DCC: variants seen among roughly 807,000 people sequenced by gnomAD.
DCC encodes netrin receptor DCC.
Under a neutral mutation model 172.5 loss-of-function variants are expected in DCC, and 58 were observed. The ratio of observed to expected loss-of-function variants is 0.34; its 90% CI spans 0.27 to 0.42. DCC has a LOEUF of 0.42. Among genes scored for constraint, DCC ranks in the 10% least tolerant of loss-of-function variants. The pLI is 1.00. For missense variants in DCC, 1,740 were observed against 1,791.0 expected (o/e 0.97, Z 0.51); for synonymous variants, 709 against 644.5 (o/e 1.10, Z -1.52).
chr18:53,281,715 G>A (rs2056874770), intron 12 of DCC, among the ~76,000 whole-genome samples: 1 of 151,778 alleles, frequency 6.6e-6, no homozygotes, highest in Non-Finnish European at 1.5e-5. Flanking sequence ...ATTGGCCTAG[G>A]TGGAAGTATT....
rs73467203 is a variant in DCC, at chr18:53,334,950, C to G, written c.2165-4763C>G. On this transcript the variant is annotated intron_variant, in intron 14 of 28. Coordinates refer to ENST00000442544, the MANE Select transcript of DCC (RefSeq NM_005215.4). ...GCTTTCAATTCTTTTTGCATTTATA[C>G]TTAGATGAGGAATTGCAGGATCATA... 5.8e-3 allele frequency among the ~76,000 whole-genome samples: 888 copies of G among 152,234 alleles called. 9 individuals are homozygous for G. The highest frequency in any genetic ancestry group is 0.02 in the African/African-American group (841 of 41,538).
chr18:53,510,059 A>C (rs895740662), intron 27 of DCC, among the ~76,000 whole-genome samples: 1 of 152,170 alleles, frequency 6.6e-6, no homozygotes, highest in African/African-American at 2.4e-5. Flanking sequence ...ACATCAGTAG[A>C]TCAGAGCCAC....
At chr18:52,602,340 C>T (rs1000146407) in intron 1 of DCC, among the ~76,000 whole-genome samples, 4 of 151,382 alleles carry the variant, frequency 2.6e-5, no homozygotes, top group African/African-American at 9.7e-5. Flanking sequence ...GGTCTTCTAC[C>T]TTATCTCTTA....
intron 1 of DCC, among the ~76,000 whole-genome samples, chr18:52,604,741 G>T (rs571881446): frequency 1.3e-5 from 2 of 152,082 alleles, no homozygotes; most frequent in African/African-American, 2.4e-5. Context: ...AAGGAGAAGA[G>T]TATGAGGGAA....
intron 1 of DCC, among the ~76,000 whole-genome samples, chr18:52,668,680 C>T (rs1204323972): frequency 6.6e-6 from 1 of 152,204 alleles, no homozygotes; most frequent in African/African-American, 2.4e-5. Context: ...GTGAACTTCT[C>T]AAATAATGGA....
At chr18:52,569,637 C>T (rs1336014866) in intron 1 of DCC, among the ~76,000 whole-genome samples, 1 of 152,080 alleles carries the variant, frequency 6.6e-6, no homozygotes, top group African/African-American at 2.4e-5. Flanking sequence ...GCTTCAAGTA[C>T]TGTAAGGTTT....
At chr18:52,868,075 GTGTATATA>G (rs2039258154) in intron 2 of DCC, among the ~76,000 whole-genome samples, 1 of 120,984 alleles carries the variant, frequency 8.3e-6, no homozygotes, top group South Asian at 2.5e-4. Flanking sequence ...GTGTGTGTGT[GTGTATATA>G]TGTGTGTATA....
intron 1 of DCC, among the ~76,000 whole-genome samples, chr18:52,709,862 GA>G (rs1297654640): frequency 6.6e-6 from 1 of 152,130 alleles, no homozygotes; most frequent in Non-Finnish European, 1.5e-5. Flanking sequence ...TCAATGCAGT[GA>G]ATAAGCAAAT....
intron 1 of DCC, among the ~76,000 whole-genome samples, chr18:52,363,002 G>T (rs745605260): frequency 1.3e-5 from 2 of 152,010 alleles, no homozygotes; most frequent in Non-Finnish European, 2.9e-5. Context: ...GGGTTCAAGC[G>T]ATTACCCTGC....
rs1000672675 is a variant in DCC, at chr18:53,465,016, A to T, written c.3620-2878A>T. Reference sequence around the variant, plus strand: ...AAAAAAAAAAAGAGAAGAAAAAAAGAAAAAGAAAACTGGTTGGATCTAGAG... The same window carrying T: ...AAAAAAAAAAAGAGAAGAAAAAAAGTAAAAGAAAACTGGTTGGATCTAGAG... On this transcript the variant is annotated intron_variant, in intron 24 of 28. Transcript: ENST00000442544. 5.3e-5 allele frequency among the ~76,000 whole-genome samples: 8 copies of T among 151,602 alleles called. No homozygotes were observed. In the East Asian group the frequency reaches 9.6e-4, roughly 18 times the overall value.
chr18:53,160,128 T>G (rs1371550179), intron 8 of DCC, among the ~76,000 whole-genome samples: 1 of 152,186 alleles, frequency 6.6e-6, no homozygotes, highest in Admixed American at 6.5e-5. Flanking sequence ...CATACAATTT[T>G]GTCCTTTCCT....
Position 53,086,095 on chromosome 18 carries a change from TC to T in DCC, c.1261+19931del, listed in dbSNP as rs1215677184. On this transcript the variant is annotated intron_variant, in intron 7 of 28. Transcript: ENST00000442544. ...CTCCTCCTCCTCCTCCTCCTCCTCC[TC>T]CTCCTCCTCCTCCTCCTCCTCCTCC... Among the ~76,000 whole-genome samples the T allele has an allele frequency of 7.9e-4, 3 of 3,808 alleles. 1 individual carries two copies. The highest frequency in any genetic ancestry group is 9.6e-3 in the African/African-American group (2 of 208). 2.5% of individuals were successfully genotyped at this position (3,808 alleles called of 152,430 possible). A position where few individuals can be genotyped will look rare whatever the true frequency, so the allele number is the denominator to read the frequency against.
chr18:52,863,227 A>G (rs916098796), intron 2 of DCC, among the ~76,000 whole-genome samples: 1 of 151,972 alleles, frequency 6.6e-6, no homozygotes, highest in Non-Finnish European at 1.5e-5. Flanking sequence ...CCGAAAATAC[A>G]TCTCACTTTT....
At chr18:52,454,171 G>C (rs1383370212) in intron 1 of DCC, among the ~76,000 whole-genome samples, 1 of 151,912 alleles carries the variant, frequency 6.6e-6, no homozygotes, top group Non-Finnish European at 1.5e-5. Context: ...GACATTTTTT[G>C]CTATAATTTT....
At chr18:52,817,746 T>TTG (rs2038327691) in intron 2 of DCC, among the ~76,000 whole-genome samples, 4 of 152,160 alleles carry the variant, frequency 2.6e-5, no homozygotes, top group African/African-American at 9.6e-5. Context: ...AATTCAAACT[T>TTG]GGATATTTTC....
intron 5 of DCC, among the ~76,000 whole-genome samples, chr18:52,958,338 TTGTAACC>T: frequency 6.6e-6 from 1 of 152,168 alleles, no homozygotes. Flanking sequence ...TATTCAATAC[TTGTAACC>T]TGTAATTATT....
chr18:52,427,314 A>G (rs1987461834), intron 1 of DCC, among the ~76,000 whole-genome samples: 1 of 152,102 alleles, frequency 6.6e-6, no homozygotes, highest in African/African-American at 2.4e-5. Context: ...TTTCCCCTGC[A>G]CTACATCCAG....
At chr18:53,048,103 G>C (rs1400478866) in intron 5 of DCC, among the ~76,000 whole-genome samples, 1 of 151,856 alleles carries the variant, frequency 6.6e-6, no homozygotes, top group Non-Finnish European at 1.5e-5. Flanking sequence ...AGAATACTGA[G>C]TCTCTATTTG....
intron 5 of DCC, 65 bp from the exon 6 acceptor site, chr18:53,063,240 A>C: frequency 7.0e-7 from 1 of 1,436,854 alleles, no homozygotes; most frequent in Admixed American, 1.7e-5. Context: ...CTCAGTGAAG[A>C]CCTCAGCAGC....
Sources: allele counts gnomAD v4.1 joint callset (sites outside exome capture counted in the v4.1 genomes callset), GRCh38; gene constraint gnomAD v4.1.1; transcripts MANE v1.5; gene names NCBI Gene and HGNC (gene_info 2026-07-23, HGNC 2026-07-21).